Variants in CUX1 observed in about 807,000 individuals in gnomAD.
The protein encoded by CUX1 is protein CASP.
A neutral mutation model predicts 158.8 loss-of-function variants in CUX1; 31 were observed. The ratio of observed to expected loss-of-function variants is 0.20; its 90% CI spans 0.15 to 0.26. The LOEUF (loss-of-function observed/expected upper bound fraction) is 0.26. Ranked by LOEUF, CUX1 falls within the 10% of genes least tolerant of loss-of-function variation. The pLI, the probability that CUX1 is intolerant of heterozygous loss-of-function variation, is 1.00. For synonymous variants in CUX1, 879 were observed against 862.1 expected (o/e 1.02, Z -0.34); for missense variants, 1,589 against 2,014.6 (o/e 0.79, Z 4.04).
intron 1 of CUX1, 139 bp from the exon 2 acceptor site, chr7:101,915,976 C>A: frequency 1.5e-6 from 1 of 659,614 alleles, no homozygotes; most frequent in East Asian, 2.7e-5. Flanking sequence ...ACCCTCCAGC[C>A]CCTCCTCTGC....
chr7:102,249,517 T>C lies in CUX1; in HGVS notation c.*475T>C. ...ATTGCCCTAAGTGATTTCCACAGGTTCTGGAATAACTCTTACAGCTTTGCC... is the reference window on the plus strand; with the variant it reads ...ATTGCCCTAAGTGATTTCCACAGGTCCTGGAATAACTCTTACAGCTTTGCC... On this transcript the variant is annotated 3_prime_UTR_variant, in exon 24 of 24. Coordinates refer to ENST00000292535, the MANE Select transcript of CUX1 (RefSeq NM_181552.4). 1 of 985,910 alleles carries C rather than the reference T, an allele frequency of 1.0e-6. No homozygotes were observed. The highest frequency in any genetic ancestry group is 1.2e-6 in the Non-Finnish European group (1 of 829,944). 61.1% of individuals were successfully genotyped at this position (985,910 alleles called of 1,614,324 possible).
chr7:101,920,170 G>A (rs1804745353), intron 2 of CUX1, among the ~76,000 whole-genome samples: 1 of 150,804 alleles, frequency 6.6e-6, no homozygotes, highest in Admixed American at 6.6e-5. Context: ...TGCCCAGGCT[G>A]GAGTGCAGTA....
intron 2 of CUX1, among the ~76,000 whole-genome samples, chr7:102,001,048 G>A (rs1406144960): frequency 6.6e-6 from 1 of 152,006 alleles, no homozygotes; most frequent in Non-Finnish European, 1.5e-5. Context: ...CAAAGCATTG[G>A]GATTACAGGC....
intron 3 of CUX1, among the ~76,000 whole-genome samples, chr7:102,068,446 A>AT (rs1554473709): frequency 3.3e-5 from 5 of 151,828 alleles, no homozygotes; most frequent in Non-Finnish European, 7.4e-5. Context: ...TATCGGGTTG[A>AT]GGGGGTGGAA....
At chr7:102,000,226 A>T (rs74751362) in intron 2 of CUX1, among the ~76,000 whole-genome samples, 38 of 150,756 alleles carry the variant, frequency 2.5e-4, no homozygotes, top group Non-Finnish European at 4.1e-4. Context: ...CAAAAAAAAA[A>T]AGAGAGAGAG....
intron 2 of CUX1, among the ~76,000 whole-genome samples, chr7:102,015,988 A>AT (rs1484572579): frequency 6.6e-6 from 1 of 151,040 alleles, no homozygotes; most frequent in Non-Finnish European, 1.5e-5. Flanking sequence ...ACTTTTTAAA[A>AT]TTTTTTTGTA....
intron 3 of CUX1, among the ~76,000 whole-genome samples, chr7:102,056,235 C>T (rs778365160): frequency 3.9e-5 from 6 of 152,148 alleles, no homozygotes; most frequent in East Asian, 1.9e-4. Flanking sequence ...AAGATGATGG[C>T]GCTACACAAC....
At chr7:102,022,446 C>A (rs1361245804) in intron 2 of CUX1, among the ~76,000 whole-genome samples, 1 of 151,720 alleles carries the variant, frequency 6.6e-6, no homozygotes. Context: ...GGCGAAACCC[C>A]GTCTCTACAA....
intron 2 of CUX1, among the ~76,000 whole-genome samples, chr7:101,990,087 A>G (rs1374517201): frequency 1.3e-5 from 2 of 152,212 alleles, no homozygotes; most frequent in Non-Finnish European, 2.9e-5. Flanking sequence ...GGGCGGGTGC[A>G]GTGGCTCACA....
At position 101,902,672 on chromosome 7, in the gene CUX1, C is replaced by T. The variant is rs1802282301; in HGVS notation, c.31-13443C>T. ...CGGATGCAGCTGTGCGGAGTTGGGA[C>T]CTGTCTGTTGTCTTTGACATCCGTC... On this transcript the variant is annotated intron_variant, in intron 1 of 23. Transcript: ENST00000292535. Among the ~76,000 whole-genome samples, 11 of 152,202 alleles carry T rather than the reference C, an allele frequency of 7.2e-5. 1 individual carries two copies. In the South Asian group the frequency reaches 2.3e-3, roughly 31 times the overall value.
chr7:102,219,439 A>G (rs1421840225), intron 20 of CUX1, among the ~76,000 whole-genome samples: 1 of 152,024 alleles, frequency 6.6e-6, no homozygotes, highest in African/African-American at 2.4e-5. Context: ...AAAAACAGTG[A>G]TTTGATAGGT....
At chr7:102,097,622 T>C in intron 5 of CUX1, 121 bp downstream of exon 5, 2 of 1,037,220 alleles carry the variant, frequency 1.9e-6, no homozygotes. Flanking sequence ...CGTCATAAAG[T>C]CAGGGTGGGG....
chr7:102,225,998 A>C (rs1454348897), intron 20 of CUX1, among the ~76,000 whole-genome samples: 3 of 152,270 alleles, frequency 2.0e-5, no homozygotes, highest in African/African-American at 7.2e-5. Flanking sequence ...CCTCAGCCCG[A>C]AGCCACATCT....
intron 1 of CUX1, among the ~76,000 whole-genome samples, chr7:101,867,676 A>G (rs1432674321): frequency 6.6e-6 from 1 of 152,230 alleles, no homozygotes; most frequent in African/African-American, 2.4e-5. Context: ...ACCTCCCGGT[A>G]AGCAACCTGA....
chr7:101,894,508 C>T (rs542026302), intron 1 of CUX1, among the ~76,000 whole-genome samples: 62 of 152,200 alleles, frequency 4.1e-4, no homozygotes, highest in African/African-American at 1.1e-3. Context: ...GATGGGATTT[C>T]GCCGTGTTGG....
rs770874249 is a variant in CUX1, at chr7:101,982,591, T to C, written c.142-45507T>C. Among the ~76,000 whole-genome samples, 26 of 152,166 alleles carry C rather than the reference T, an allele frequency of 1.7e-4. No individual in the cohort carries two copies. In the Middle Eastern group the frequency reaches 0.01, roughly 60 times the overall value. On this transcript the variant is annotated intron_variant, in intron 2 of 23. Transcript: ENST00000292535. ...ACAGATGCGGGCCACCATGCCCGGC[T>C]AATTTTTGTATTTTTAGCAGAGATG...
At chr7:101,982,845 A>G (rs988658713) in intron 2 of CUX1, among the ~76,000 whole-genome samples, 3 of 150,334 alleles carry the variant, frequency 2.0e-5, no homozygotes, top group Non-Finnish European at 3.0e-5. Context: ...TACATTAGGT[A>G]TATCTCCTAA....
At chr7:101,978,669 G>A (rs1311477093) in intron 2 of CUX1, among the ~76,000 whole-genome samples, 1 of 152,214 alleles carries the variant, frequency 6.6e-6, no homozygotes, top group African/African-American at 2.4e-5. Flanking sequence ...CGCCCTCACT[G>A]GCTGGGCCAC....
At chr7:101,997,670 C>A (rs1383528400) in intron 2 of CUX1, among the ~76,000 whole-genome samples, 5 of 152,122 alleles carry the variant, frequency 3.3e-5, no homozygotes, top group African/African-American at 1.2e-4. Flanking sequence ...AACACTAATA[C>A]CTACTTGTGT....
Sources: gnomAD v4.1 joint callset for allele counts (sites outside exome capture counted in the v4.1 genomes callset) on GRCh38, gnomAD v4.1.1 for gene constraint, MANE v1.5 for transcripts, NCBI Gene and HGNC (gene_info 2026-07-23, HGNC 2026-07-21) for gene names.